The following PUM2 variants were observed in gnomAD, a reference collection of about 807,000 sequenced individuals.
PUM2 encodes the protein pumilio homolog 2.
Under a neutral mutation model 124.5 loss-of-function variants are expected in PUM2, and 57 were observed. The observed-to-expected ratio is 0.46, with a 90% CI of 0.37 to 0.57. The LOEUF (loss-of-function observed/expected upper bound fraction) is 0.57, where lower values mean the gene tolerates loss of function less well. PUM2 is among the 20% of genes least tolerant of loss of function. PUM2 has a pLI of 0.00. For missense variants in PUM2, 1,065 were observed against 1,290.6 expected, an observed-to-expected ratio of 0.83 and a Z score of 2.68; for synonymous variants, 460 against 446.1, an observed-to-expected ratio of 1.03 and a Z score of -0.39.
At chr2:20,324,724 G>T (rs964719255) in intron 2 of PUM2, among the ~76,000 whole-genome samples, 23 of 152,100 alleles carry the variant, frequency 1.5e-4, no homozygotes, top group Non-Finnish European at 1.5e-5. Flanking sequence ...TTTATGAATA[G>T]GTGAATACAA....
At chr2:20,344,958 G>C (rs1687933083) in intron 1 of PUM2, among the ~76,000 whole-genome samples, 1 of 124,600 alleles carries the variant, frequency 8.0e-6, no homozygotes, top group Non-Finnish European at 1.6e-5. Context: ...ACTCCAGCCA[G>C]AGCAACGGAG....
chr2:20,282,063 A>C (rs1272817731), intron 12 of PUM2, among the ~76,000 whole-genome samples: 2 of 152,220 alleles, frequency 1.3e-5, no homozygotes, highest in Non-Finnish European at 2.9e-5. Flanking sequence ...GAAACAGAAA[A>C]TCTCTTGAGG....
chr2:20,330,795 G>A (rs193270256), intron 1 of PUM2, among the ~76,000 whole-genome samples: 46 of 152,330 alleles, frequency 3.0e-4, no homozygotes, highest in African/African-American at 8.2e-4. Flanking sequence ...GACAACCTAC[G>A]ACTTGCAACT....
At chr2:20,321,837 T>A (rs549385526) in intron 2 of PUM2, among the ~76,000 whole-genome samples, 2 of 152,260 alleles carry the variant, frequency 1.3e-5, no homozygotes, top group African/African-American at 4.8e-5. Flanking sequence ...TAAAAGAAGG[T>A]CAGGCAACTC....
In PUM2 at chr2:20,263,424, G is replaced by A; in HGVS notation, c.1994C>T (p.Ala665Val). 6.2e-7 allele frequency: 1 copy of A among 1,614,014 alleles called. No homozygotes were observed. Among genetic ancestry groups the A allele is most frequent in the Non-Finnish European group, 8.5e-7 (1 of 1,179,886 alleles). Residue 665 changes from alanine (A) to valine (V), a missense_variant, in exon 14 of 21, where the codon GCA (alanine) becomes GTA (valine). Physicochemically the swap from Ala to Val is moderately conservative, Grantham distance 64. Around this residue, in one of 3 missense-constraint regions of PUM2, gnomAD observed 968 missense variants for 1,159.8 expected, o/e 0.83. Coordinates refer to ENST00000361078, the MANE Select transcript of PUM2 (RefSeq NM_015317.5). ...LTNGSGRYIS[A>V]APGAEAKYRS... ...ATATTTTGCTTCTGCTCCAGGTGCT[G>A]CAGAGATATATCGACCACTACCATT...
intron 1 of PUM2, among the ~76,000 whole-genome samples, chr2:20,337,901 C>T (rs1378709258): frequency 6.6e-6 from 1 of 152,156 alleles, no homozygotes; most frequent in African/African-American, 2.4e-5. Flanking sequence ...ATACCAGGCA[C>T]ATTATATATA....
intron 20 of PUM2, 24 bp from the exon 21 acceptor site, chr2:20,251,740 G>GA: frequency 6.2e-7 from 1 of 1,607,826 alleles, no homozygotes; most frequent in Non-Finnish European, 8.5e-7. Flanking sequence ...AATCTGCTTA[G>GA]AAAATCTAAG....
intron 3 of PUM2, among the ~76,000 whole-genome samples, chr2:20,317,633 T>A (rs374448914): frequency 6.6e-6 from 1 of 152,112 alleles, no homozygotes. Context: ...GGGTTTGGTG[T>A]ACAGATTATT....
chr2:20,281,188 A>G (rs1671437260), intron 12 of PUM2, among the ~76,000 whole-genome samples: 1 of 152,192 alleles, frequency 6.6e-6, no homozygotes, highest in African/African-American at 2.4e-5. Flanking sequence ...AGGGGTGGCA[A>G]TCACTAATGC....
intron 1 of PUM2, among the ~76,000 whole-genome samples, chr2:20,343,826 G>A (rs1173932635): frequency 6.6e-6 from 1 of 152,248 alleles, no homozygotes; most frequent in Non-Finnish European, 1.5e-5. Flanking sequence ...CTCCTCAGGA[G>A]GCTGAAGTCA....
chr2:20,293,124 A>G (rs1021238579), intron 9 of PUM2, among the ~76,000 whole-genome samples: 2 of 152,232 alleles, frequency 1.3e-5, no homozygotes, highest in African/African-American at 4.8e-5. Context: ...ATATCAAAAC[A>G]AGGTGAAAAC....
intron 7 of PUM2, among the ~76,000 whole-genome samples, chr2:20,307,286 A>AAT (rs1158951773): frequency 2.0e-5 from 3 of 152,296 alleles, no homozygotes; most frequent in African/African-American, 7.2e-5. Flanking sequence ...AACACAGAAG[A>AAT]ATATGACATT....
intron 13 of PUM2, among the ~76,000 whole-genome samples, chr2:20,274,956 C>CTAAAAAAAAAAAAAA (rs1669858427): frequency 1.6e-3 from 1 of 612 alleles, no homozygotes; most frequent in Non-Finnish European, 5.3e-3. Flanking sequence ...TGAAGTATCT[C>CTAAAAAAAAAAAAAA]CAAAAAAAAA....
At chr2:20,294,667 T>G in intron 8 of PUM2, 149 bp from the exon 9 acceptor site, 1 of 928,042 alleles carries the variant, frequency 1.1e-6, no homozygotes, top group Non-Finnish European at 1.5e-6. Flanking sequence ...TATTGATGGG[T>G]GACAGCAATG....
At chr2:20,270,565 C>A (rs907992399) in intron 13 of PUM2, among the ~76,000 whole-genome samples, 1 of 151,968 alleles carries the variant, frequency 6.6e-6, no homozygotes, top group Non-Finnish European at 1.5e-5. Flanking sequence ...CACACACACA[C>A]AAAACAAAAA....
intron 15 of PUM2, among the ~76,000 whole-genome samples, chr2:20,259,340 T>C (rs909077773): frequency 1.4e-4 from 22 of 152,248 alleles, no homozygotes; most frequent in Admixed American, 1.3e-4. Flanking sequence ...ATTAATTATA[T>C]TCACACTGTT....
At chr2:20,306,222 A>G (rs557923462) in intron 7 of PUM2, among the ~76,000 whole-genome samples, 4 of 152,234 alleles carry the variant, frequency 2.6e-5, no homozygotes, top group African/African-American at 9.6e-5. Context: ...ACAACAACAA[A>G]AACAATAACA....
chr2:20,263,211 T>C lies in PUM2; in HGVS notation c.2207A>G (p.Gln736Arg). Residue 736 changes from glutamine to arginine, a missense_variant, in exon 14 of 21, where the codon CAA (glutamine) becomes CGA (arginine). By Grantham distance (43) the Gln-to-Arg change is conservative (BLOSUM62 1). This residue lies in a region of PUM2 where 968 missense variants were observed against 1,159.8 expected (regional missense o/e 0.83). Coordinates refer to ENST00000361078, the MANE Select transcript of PUM2 (RefSeq NM_015317.5). ...DLIGHIVEFS[Q>R]DQHGSRFIQQ... is the part of the protein sequence containing the mutation. ...CACCTACCTAGAACCATGCTGGTCTTGAGAAAACTCAACTATATGTCCAAT... is the reference window on the plus strand; with the variant it reads ...CACCTACCTAGAACCATGCTGGTCTCGAGAAAACTCAACTATATGTCCAAT... 1 of 1,601,086 alleles carries C rather than the reference T, an allele frequency of 6.2e-7. No individual in the cohort carries two copies. Among genetic ancestry groups the C allele is most frequent in the Non-Finnish European group, 8.6e-7 (1 of 1,168,146 alleles).
rs1362656603 is a variant in PUM2, at chr2:20,249,389, A to T, written c.*2196T>A. The T allele has an allele frequency of 3.9e-5, 6 of 152,570 alleles. No individual in the cohort carries two copies. The highest frequency in any genetic ancestry group is 2.1e-4 in the South Asian group (1 of 4,820). The allele number at this position is 152,570 out of a possible 1,614,324, so 9.5% of individuals were successfully genotyped here. A position where few individuals can be genotyped will look rare whatever the true frequency, so the allele number is the denominator to read the frequency against. On this transcript the variant is annotated 3_prime_UTR_variant, in exon 21 of 21. Coordinates refer to ENST00000361078, the MANE Select transcript of PUM2 (RefSeq NM_015317.5). The stretch of plus-strand genomic sequence containing the variant: ...GAGACAGCGGCTTTGTGTGGGTTTT[A>T]AAAAAATGAAACAAACACAAGGCGT...
Sources: gnomAD v4.1 joint callset for allele counts (sites outside exome capture counted in the v4.1 genomes callset) on GRCh38, gnomAD v4.1.1 for gene constraint, gnomAD v4.1.1 regional missense constraint, MANE v1.5 for transcripts, NCBI Gene and HGNC (gene_info 2026-07-23, HGNC 2026-07-21) for gene names.